The following RAB4B variants were observed in gnomAD, a reference collection of about 807,000 sequenced individuals.
The protein encoded by RAB4B is ras-related protein Rab-4B.
Under a neutral mutation model 28.3 loss-of-function variants are expected in RAB4B, and 15 were observed. The observed-to-expected ratio is 0.53, with a 90% confidence interval of 0.35 to 0.82. RAB4B has a LOEUF of 0.82. RAB4B is among the 40% of genes least tolerant of loss of function. RAB4B has a pLI of 0.01. For missense variants in RAB4B, 244 were observed against 288.5 expected, an observed-to-expected ratio of 0.85 and a Z score of 1.12; for synonymous variants, 108 against 116.3, an observed-to-expected ratio of 0.93 and a Z score of 0.46.
chr19:40,785,145 G>T (rs1360546649), intron 5 of RAB4B, among the ~76,000 whole-genome samples: 1 of 151,938 alleles, frequency 6.6e-6, no homozygotes, highest in Non-Finnish European at 1.5e-5. Flanking sequence ...GAGATGGGAT[G>T]GGGTAGATCC....
At chr19:40,790,045 A>G (rs2083142420) in intron 7 of RAB4B, among the ~76,000 whole-genome samples, 1 of 152,078 alleles carries the variant, frequency 6.6e-6, no homozygotes, top group Non-Finnish European at 1.5e-5. Flanking sequence ...GGGTTGGAGG[A>G]AGCAGATCAG....
At chr19:40,786,361 G>A in intron 5 of RAB4B, 1 of 384,232 alleles carries the variant, frequency 2.6e-6, no homozygotes, top group Non-Finnish European at 5.0e-6. Context: ...CAAGCAGTGG[G>A]GTCAGGGCCA....
intron 7 of RAB4B, among the ~76,000 whole-genome samples, chr19:40,789,567 G>A (rs1424825776): frequency 1.4e-5 from 2 of 140,602 alleles, no homozygotes; most frequent in African/African-American, 5.4e-5. Context: ...GCAGTGGCAC[G>A]ATCTCGGCTC....
At chr19:40,778,509 C>T (rs1196571718) in intron 1 of RAB4B, 118 bp downstream of exon 1, 3 of 1,058,948 alleles carry the variant, frequency 2.8e-6, no homozygotes, top group Non-Finnish European at 3.8e-6. Flanking sequence ...GAGGCAGGAC[C>T]TAAGTGGATG....
intron 7 of RAB4B, among the ~76,000 whole-genome samples, chr19:40,795,684 C>T (rs1430633271): frequency 3.3e-5 from 5 of 150,974 alleles, no homozygotes; most frequent in South Asian, 2.1e-4. Context: ...CGTGAGCCAC[C>T]GTGCCTGGCC....
At chr19:40,788,164 G>A (rs1266206017) in intron 7 of RAB4B, among the ~76,000 whole-genome samples, 1 of 151,852 alleles carries the variant, frequency 6.6e-6, no homozygotes, top group Non-Finnish European at 1.5e-5. Context: ...CATCCTCATG[G>A]TGCTGACATT....
At chr19:40,787,078 G>A in intron 7 of RAB4B, 100 bp downstream of exon 7, 1 of 1,100,884 alleles carries the variant, frequency 9.1e-7, no homozygotes, top group Admixed American at 2.2e-5. Flanking sequence ...GAGAAACAGA[G>A]TGAGAGAAAG....
chr19:40,792,161 AAGAG>A (rs2083165190), intron 7 of RAB4B: 1 of 152,228 alleles, frequency 6.6e-6, no homozygotes, highest in African/African-American at 2.4e-5. Context: ...TGTAATCTGA[AAGAG>A]AGAGAGGAAT....
chr19:40,787,886 C>G (rs1258835837), intron 7 of RAB4B, among the ~76,000 whole-genome samples: 1 of 141,650 alleles, frequency 7.1e-6, no homozygotes, highest in African/African-American at 2.6e-5. Context: ...CACTTGAACC[C>G]AGGAAGCTGA....
At chr19:40,792,792 T>C (rs1273782494) in intron 7 of RAB4B, among the ~76,000 whole-genome samples, 4 of 152,186 alleles carry the variant, frequency 2.6e-5, no homozygotes, top group African/African-American at 9.7e-5. Context: ...TTCTTTTCTT[T>C]TTTTTGGAGA....
chr19:40,785,202 C>A (rs1454590509), intron 5 of RAB4B, among the ~76,000 whole-genome samples: 2 of 151,794 alleles, frequency 1.3e-5, no homozygotes, highest in African/African-American at 4.8e-5. Flanking sequence ...ATACTGACAA[C>A]CCACACCAAA....
At chr19:40,781,165 G>A (rs2083043480) in intron 3 of RAB4B, among the ~76,000 whole-genome samples, 2 of 150,558 alleles carry the variant, frequency 1.3e-5, no homozygotes, top group South Asian at 4.2e-4. Flanking sequence ...CTGTGGTGGT[G>A]GATGCTAGCT....
intron 7 of RAB4B, among the ~76,000 whole-genome samples, chr19:40,795,562 G>C (rs1268758615): frequency 6.6e-6 from 1 of 151,704 alleles, no homozygotes; most frequent in Non-Finnish European, 1.5e-5. Context: ...ACCACGCCTG[G>C]CTAATTTTTG....
At chr19:40,783,147 C>CAAAAA (rs1168587843) in intron 3 of RAB4B, among the ~76,000 whole-genome samples, 80 of 35,558 alleles carry the variant, frequency 2.2e-3, no homozygotes, top group South Asian at 4.2e-3. Context: ...GATTCCTACT[C>CAAAAA]AAAAAAAAAA....
intron 7 of RAB4B, among the ~76,000 whole-genome samples, chr19:40,791,725 C>CA (rs2083161706): frequency 6.6e-6 from 1 of 152,056 alleles, no homozygotes; most frequent in Non-Finnish European, 1.5e-5. Context: ...CCTCCGCTTC[C>CA]AGGTTCAAGC....
At chr19:40,785,693 TG>T (rs1426387861) in intron 5 of RAB4B, 1 of 152,376 alleles carries the variant, frequency 6.6e-6, no homozygotes, top group Non-Finnish European at 1.5e-5. Context: ...TTTCTGACTG[TG>T]GGGCCTTGTC....
chr19:40,791,239 C>T (rs1053238760), intron 7 of RAB4B, among the ~76,000 whole-genome samples: 1 of 152,222 alleles, frequency 6.6e-6, no homozygotes, highest in African/African-American at 2.4e-5. Flanking sequence ...ATTCACCCGC[C>T]TTGGCCTCCC....
At chr19:40,792,073 G>C (rs1003201292) in intron 7 of RAB4B, 1 of 152,288 alleles carries the variant, frequency 6.6e-6, no homozygotes, top group Non-Finnish European at 1.5e-5. Flanking sequence ...TCCAGGGTGG[G>C]ACAGGTGGGG....
intron 7 of RAB4B, among the ~76,000 whole-genome samples, chr19:40,794,304 T>C (rs985790640): frequency 2.0e-5 from 3 of 151,966 alleles, no homozygotes; most frequent in African/African-American, 7.3e-5. Context: ...CTCAAACTCC[T>C]GACCTCAGGT....
Sources: gnomAD v4.1 joint callset for allele counts (sites outside exome capture counted in the v4.1 genomes callset) on GRCh38, gnomAD v4.1.1 for gene constraint, MANE v1.5 for transcripts, NCBI Gene and HGNC (gene_info 2026-07-23, HGNC 2026-07-21) for gene names.